GRHL2: variants seen among roughly 807,000 people sequenced by gnomAD.
GRHL2 encodes the protein grainyhead-like protein 2 homolog.
In GRHL2, 21 loss-of-function variants were observed where a neutral mutation model predicts 83.8. That is an observed-to-expected ratio of 0.25 (90% confidence interval 0.18 to 0.36). The LOEUF is 0.36. Among genes scored for constraint, GRHL2 ranks in the 10% least tolerant of loss-of-function variants. The pLI is 1.00. For missense variants in GRHL2, 623 were observed against 781.8 expected, an observed-to-expected ratio of 0.80 and a Z score of 2.42; for synonymous variants, 280 against 278.9, an observed-to-expected ratio of 1.00 and a Z score of -0.04.
chr8:101,595,264 A>G (rs1812368981), intron 7 of GRHL2, among the ~76,000 whole-genome samples: 1 of 152,208 alleles, frequency 6.6e-6, no homozygotes, highest in Non-Finnish European at 1.5e-5. Flanking sequence ...TCTATATTGC[A>G]TTTGTTTTTG....
chr8:101,676,493 C>A, the GRHL2 span, among the ~76,000 whole-genome samples: 25 of 152,244 alleles, frequency 1.6e-4, no homozygotes, highest in African/African-American at 4.1e-4. Context: ...GAGAAATGCA[C>A]ATCAAAACCA....
chr8:101,629,015 A>G (rs1813133082), intron 9 of GRHL2, among the ~76,000 whole-genome samples: 2 of 152,220 alleles, frequency 1.3e-5, no homozygotes, highest in Non-Finnish European at 2.9e-5. Context: ...AATATTACAT[A>G]AACTTAGTTG....
Position 101,667,771 on chromosome 8 carries a change from G to C in GRHL2, c.*1068G>C, listed in dbSNP as rs1298528140. The C allele has an allele frequency of 6.5e-6, 1 of 152,840 alleles. No homozygotes were observed. The allele number at this position is 152,840 out of a possible 1,614,324, so 9.5% of individuals were successfully genotyped here. ...AGCTTTCTGGAGAGCCTCTGCAGGG[G>C]GTTTGCCATCAGGGCCCTGTGGCTG... On this transcript the variant is annotated 3_prime_UTR_variant, in exon 16 of 16. Coordinates refer to ENST00000646743, the MANE Select transcript of GRHL2 (RefSeq NM_024915.4).
At chr8:101,655,252 T>A (rs1325804821) in intron 14 of GRHL2, among the ~76,000 whole-genome samples, 1 of 151,940 alleles carries the variant, frequency 6.6e-6, no homozygotes, top group Non-Finnish European at 1.5e-5. Flanking sequence ...TAAATGCAAG[T>A]GCAGCAGCAT....
At chr8:101,605,118 A>G (rs912049713) in intron 8 of GRHL2, among the ~76,000 whole-genome samples, 9 of 152,330 alleles carry the variant, frequency 5.9e-5, no homozygotes, top group Non-Finnish European at 1.0e-4. Context: ...CAGTTTTAGA[A>G]AGGGCCAAGG....
intron 14 of GRHL2, among the ~76,000 whole-genome samples, chr8:101,656,916 C>T (rs189071530): frequency 3.7e-4 from 41 of 112,190 alleles, no homozygotes; most frequent in Admixed American, 1.3e-3. Flanking sequence ...AGGCAATGAC[C>T]GTGAGTGCTA....
intron 1 of GRHL2, among the ~76,000 whole-genome samples, chr8:101,518,442 G>C (rs1449900336): frequency 6.6e-6 from 1 of 152,074 alleles, no homozygotes; most frequent in African/African-American, 2.4e-5. Flanking sequence ...AAAATCCCTA[G>C]TATAGGGATG....
intron 12 of GRHL2, among the ~76,000 whole-genome samples, chr8:101,638,649 C>T (rs540189591): frequency 1.4e-4 from 21 of 152,336 alleles, no homozygotes; most frequent in Middle Eastern, 6.8e-3. Flanking sequence ...GATTCCCTAG[C>T]TAATGAGGAG....
Position 101,492,645 on chromosome 8 carries a change from T to C in GRHL2, c.-125T>C, listed in dbSNP as rs1586386363. The C allele has an allele frequency of 6.1e-6, 5 of 817,704 alleles. No individual in the cohort carries two copies. The East Asian group carries it at 1.2e-4, about 20-fold the overall frequency. The allele number at this position is 817,704 out of a possible 1,614,324, so 50.7% of individuals were successfully genotyped here. A position where few individuals can be genotyped will look rare whatever the true frequency, so the allele number is the denominator to read the frequency against. ...GTGAGGGGGGACGGAAAAGCAGAAT[T>C]ACCTGTAGCTCTTGTTCTGCCATCT... is the stretch of plus-strand genomic sequence containing the variant. On this transcript the variant is annotated 5_prime_UTR_variant, in exon 1 of 16. Transcript: ENST00000646743.
At chr8:101,656,075 G>A (rs926899448) in intron 14 of GRHL2, among the ~76,000 whole-genome samples, 4 of 152,174 alleles carry the variant, frequency 2.6e-5, no homozygotes, top group East Asian at 1.9e-4. Flanking sequence ...GCCCACCCAC[G>A]TAAATAGCAT....
At position 101,570,645 on chromosome 8, in the gene GRHL2, GA is replaced by G. The variant is rs142023630; in HGVS notation, c.734+253del. 0.13 allele frequency among the ~76,000 whole-genome samples: 20,229 copies of G among 151,314 alleles called. 1,720 individuals carry two copies. Among genetic ancestry groups the G allele is most frequent in the South Asian group, 0.27 (1,295 of 4,792 alleles). Reference sequence around the variant, plus strand: ...GACATTCTTTTGTAGGTGTTCCTCTGAACCTCATACTCATGTGCTTCCAGCC... The same window carrying G: ...GACATTCTTTTGTAGGTGTTCCTCTGACCTCATACTCATGTGCTTCCAGCC... On this transcript the variant is annotated intron_variant, in intron 5 of 15. Coordinates refer to ENST00000646743, the MANE Select transcript of GRHL2 (RefSeq NM_024915.4).
the GRHL2 span, among the ~76,000 whole-genome samples, chr8:101,676,240 CA>C: frequency 6.6e-6 from 1 of 151,880 alleles, no homozygotes; most frequent in Non-Finnish European, 1.5e-5. Flanking sequence ...AGCTTCTGCA[CA>C]GCAAAAGAAA....
At chr8:101,601,034 T>C (rs550613593) in intron 8 of GRHL2, among the ~76,000 whole-genome samples, 47 of 152,092 alleles carry the variant, frequency 3.1e-4, no homozygotes, top group Admixed American at 7.9e-4. Context: ...GTGGCATGCA[T>C]CTGAAGTCCT....
intron 1 of GRHL2, among the ~76,000 whole-genome samples, chr8:101,513,922 C>T (rs949784384): frequency 3.9e-5 from 6 of 152,092 alleles, no homozygotes; most frequent in African/African-American, 1.4e-4. Context: ...GGTTGCTGGG[C>T]CCATGAAAGT....
rs761192154 is a variant in GRHL2 at position 101,558,744 on chromosome 8, C to T, written c.610C>T (p.Leu204Phe). 3.1e-6 allele frequency: 5 copies of T among 1,614,200 alleles called. No homozygotes were observed. Among genetic ancestry groups the T allele is most frequent in the Non-Finnish European group, 3.4e-6 (4 of 1,180,034 alleles). Residue 204 changes from leucine (L) to phenylalanine (F), a missense_variant, in exon 4 of 16, where the codon CTC becomes TTC. This residue lies in a region of GRHL2 where 239 missense variants were observed against 240.5 expected (regional missense o/e 0.99). Transcript: ENST00000646743. ...VPSLATHSAY[L>F]KDDQRSTPDS... Reference sequence around the variant, plus strand: ...CTCGCTGGCCACCCACAGCGCCTATCTCAAAGACGACCAGCGCAGCACTCC... The same window carrying T: ...CTCGCTGGCCACCCACAGCGCCTATTTCAAAGACGACCAGCGCAGCACTCC...
intron 7 of GRHL2, among the ~76,000 whole-genome samples, chr8:101,595,318 A>AT (rs1247035559): frequency 2.6e-5 from 4 of 152,114 alleles, no homozygotes; most frequent in Non-Finnish European, 5.9e-5. Context: ...AACAGAAGAC[A>AT]TTTTTTATGT....
At chr8:101,559,351 T>TGC (rs1285229771) in intron 4 of GRHL2, among the ~76,000 whole-genome samples, 1,670 of 19,184 alleles carry the variant, frequency 0.087, 137 homozygotes, top group African/African-American at 0.17. Flanking sequence ...CTACTAAAAA[T>TGC]ACAAAAAAAA....
At chr8:101,507,173 C>A (rs1257606992) in intron 1 of GRHL2, among the ~76,000 whole-genome samples, 4 of 152,182 alleles carry the variant, frequency 2.6e-5, no homozygotes, top group Non-Finnish European at 4.4e-5. Flanking sequence ...GCTCTTTTTG[C>A]ACCTAAAACT....
intron 1 of GRHL2, chr8:101,529,432 CAA>C (rs11402395): frequency 2.2e-4 from 30 of 139,124 alleles, no homozygotes; most frequent in South Asian, 9.3e-4. Flanking sequence ...GACTCCCTCT[CAA>C]AAAAAAAAAA....
Sources: allele counts gnomAD v4.1 joint callset (sites outside exome capture counted in the v4.1 genomes callset), GRCh38; gene constraint gnomAD v4.1.1; regional missense constraint gnomAD v4.1.1; transcripts MANE v1.5; gene names NCBI Gene and HGNC (gene_info 2026-07-23, HGNC 2026-07-21).